GPR158: variants seen among roughly 807,000 people sequenced by gnomAD.
The protein encoded by GPR158 is metabotropic glycine receptor.
A neutral mutation model predicts 78.2 loss-of-function variants in GPR158; 30 were observed. The observed-to-expected ratio is 0.38, with a 90% CI of 0.29 to 0.52. The LOEUF (loss-of-function observed/expected upper bound fraction) is 0.52, where lower values mean the gene tolerates loss of function less well. GPR158 is among the 20% of genes least tolerant of loss of function. The probability of loss-of-function intolerance (pLI) is 0.83; values close to 1 mark genes in which losing one functional copy is unlikely to be tolerated. For synonymous variants in GPR158, 581 were observed against 591.1 expected (o/e 0.98, Z 0.25); for missense variants, 1,463 against 1,523.5 (o/e 0.96, Z 0.66).
intron 1 of GPR158, among the ~76,000 whole-genome samples, chr10:25,197,878 A>G (rs1382318278): frequency 2.6e-5 from 4 of 152,190 alleles, no homozygotes; most frequent in Non-Finnish European, 5.9e-5. Context: ...GGGTTCCCTG[A>G]CAAGAAATTG....
At chr10:25,568,332 T>G (rs1057497834) in intron 6 of GPR158, among the ~76,000 whole-genome samples, 11 of 152,114 alleles carry the variant, frequency 7.2e-5, no homozygotes, top group African/African-American at 2.4e-4. Flanking sequence ...ATTTAGGAGA[T>G]CCTTGTAAAC....
intron 4 of GPR158, among the ~76,000 whole-genome samples, chr10:25,421,131 G>C (rs947490): frequency 9.9e-5 from 15 of 151,496 alleles, no homozygotes; most frequent in Admixed American, 4.6e-4. Flanking sequence ...CTTTCATTTT[G>C]CTTAGTAATG....
chr10:25,309,324 T>C (rs1588790497), intron 2 of GPR158, among the ~76,000 whole-genome samples: 4 of 152,186 alleles, frequency 2.6e-5, no homozygotes, highest in Non-Finnish European at 5.9e-5. Context: ...GAACATCTTT[T>C]CATGCACTTA....
intron 1 of GPR158, among the ~76,000 whole-genome samples, chr10:25,210,833 C>T (rs1853119309): frequency 6.6e-6 from 1 of 151,994 alleles, no homozygotes. Flanking sequence ...TAATGTCCTC[C>T]CTGGAAAACC....
At chr10:25,378,967 A>G (rs551838659) in intron 2 of GPR158, among the ~76,000 whole-genome samples, 1 of 151,870 alleles carries the variant, frequency 6.6e-6, no homozygotes, top group South Asian at 2.1e-4. Context: ...TTTAAAATAA[A>G]TTTTTCTGAG....
At chr10:25,572,580 T>C in intron 6 of GPR158, 69 bp from the exon 7 acceptor site, 1 of 1,001,018 alleles carries the variant, frequency 1.0e-6, no homozygotes, top group South Asian at 1.3e-5. Flanking sequence ...CCTAGAAAAA[T>C]AAGTTATTTT....
At chr10:25,422,389 A>G (rs1223319183) in intron 4 of GPR158, among the ~76,000 whole-genome samples, 2 of 152,082 alleles carry the variant, frequency 1.3e-5, no homozygotes, top group Admixed American at 6.5e-5. Context: ...TGAACTGCAC[A>G]TGTGCACTCC....
chr10:25,437,929 A>G (rs1687841942), intron 4 of GPR158, among the ~76,000 whole-genome samples: 1 of 152,210 alleles, frequency 6.6e-6, no homozygotes, highest in African/African-American at 2.4e-5. Flanking sequence ...TAGCAAAAGG[A>G]GAGAATAACA....
At chr10:25,393,827 C>T (rs184793842) in intron 2 of GPR158, 33 of 152,266 alleles carry the variant, frequency 2.2e-4, no homozygotes, top group Admixed American at 1.2e-3. Context: ...ATGTTGCAGC[C>T]GGATTACTCT....
chr10:25,450,288 G>GA (rs1306736732), intron 4 of GPR158, among the ~76,000 whole-genome samples: 2 of 151,832 alleles, frequency 1.3e-5, no homozygotes, highest in Admixed American at 1.3e-4. Context: ...GGGGACCCAA[G>GA]GCTGGAAGAG....
At position 25,246,646 on chromosome 10, in the gene GPR158, T is replaced by C. The variant is rs550549040; in HGVS notation, c.1008+25489T>C. 3.9e-5 allele frequency among the ~76,000 whole-genome samples: 6 copies of C among 152,290 alleles called. No individual in the cohort carries two copies. The South Asian group carries it at 6.2e-4, about 16-fold the overall frequency. ...ATTGGTGGTGGGGATAGGAAGCATA[T>C]ATGGAGCAAACAATGCTTAAGCAAT... On this transcript the variant is annotated intron_variant, in intron 2 of 10. Coordinates refer to ENST00000376351, the MANE Select transcript of GPR158 (RefSeq NM_020752.3).
At chr10:25,224,401 C>T (rs964194119) in intron 2 of GPR158, among the ~76,000 whole-genome samples, 27 of 151,396 alleles carry the variant, frequency 1.8e-4, no homozygotes, top group South Asian at 8.3e-4. Flanking sequence ...AGTGTATATA[C>T]ATCTTTTGTT....
At chr10:25,567,279 T>A (rs1238429871) in intron 6 of GPR158, among the ~76,000 whole-genome samples, 1 of 152,180 alleles carries the variant, frequency 6.6e-6, no homozygotes, top group Non-Finnish European at 1.5e-5. Flanking sequence ...GCTAAAGCGG[T>A]CAGCCTATTG....
chr10:25,258,355 A>G (rs1308404504), intron 2 of GPR158, among the ~76,000 whole-genome samples: 1 of 152,144 alleles, frequency 6.6e-6, no homozygotes, highest in Non-Finnish European at 1.5e-5. Context: ...CCTTAATCTG[A>G]CGTAAATATC....
chr10:25,254,154 C>T (rs1853861209), intron 2 of GPR158, among the ~76,000 whole-genome samples: 1 of 152,088 alleles, frequency 6.6e-6, no homozygotes, highest in Admixed American at 6.5e-5. Context: ...GGGGCTTTGG[C>T]TCTTTGTTTG....
chr10:25,582,538 G>A (rs1003691129), intron 7 of GPR158, among the ~76,000 whole-genome samples: 17 of 152,302 alleles, frequency 1.1e-4, no homozygotes, highest in East Asian at 7.7e-4. Context: ...TGGCCATTCC[G>A]ACAGTTCTGG....
chr10:25,431,100 C>G (rs10430592), intron 4 of GPR158, among the ~76,000 whole-genome samples: 79,760 of 120,268 alleles, frequency 0.66, 27,942 homozygotes, highest in Non-Finnish European at 0.79. Flanking sequence ...AGAAAATTTT[C>G]GCAACCTACT....
At chr10:25,189,568 T>C (rs920923552) in intron 1 of GPR158, among the ~76,000 whole-genome samples, 2 of 151,016 alleles carry the variant, frequency 1.3e-5, no homozygotes, top group Non-Finnish European at 2.9e-5. Flanking sequence ...TTCTCACTCA[T>C]AGGTGGGAGT....
chr10:25,191,484 C>A (rs1852771455), intron 1 of GPR158, among the ~76,000 whole-genome samples: 1 of 152,198 alleles, frequency 6.6e-6, no homozygotes, highest in African/African-American at 2.4e-5. Context: ...GTGAACAAGA[C>A]AATCTGCAAT....
Sources: gnomAD v4.1 joint callset for allele counts (sites outside exome capture counted in the v4.1 genomes callset) on GRCh38, gnomAD v4.1.1 for gene constraint, MANE v1.5 for transcripts, NCBI Gene and HGNC (gene_info 2026-07-23, HGNC 2026-07-21) for gene names.